Variants in OGG1 observed in about 807,000 individuals in gnomAD.
The protein encoded by OGG1 is N-glycosylase/DNA lyase.
Under a neutral mutation model 42.3 loss-of-function variants are expected in OGG1, and 35 were observed. That is an observed-to-expected ratio of 0.83 (90% CI 0.63 to 1.10). OGG1 has a LOEUF of 1.10. Among genes scored for constraint, OGG1 ranks in the 50% least tolerant of loss-of-function variants. The pLI is 0.00. For synonymous variants in OGG1, 189 were observed against 179.0 expected (o/e 1.06, Z -0.44); for missense variants, 484 against 446.7 (o/e 1.08, Z -0.75).
At chr3:9,761,495 C>G, downstream of OGG1, 2 of 1,613,434 alleles carry the variant, frequency 1.2e-6, no homozygotes, top group Non-Finnish European at 1.7e-6. Context: ...GACCAGCAAT[C>G]CACAGCCTTG....
chr3:9,761,647 TC>T (rs2077879345), downstream of OGG1: 1 of 1,614,082 alleles, frequency 6.2e-7, no homozygotes, highest in Non-Finnish European at 8.5e-7. Flanking sequence ...ATCCCGGAGT[TC>T]CACAGGCGGT....
chr3:9,769,575 G>A (rs904626969), downstream of OGG1, among the ~76,000 whole-genome samples: 2 of 151,930 alleles, frequency 1.3e-5, no homozygotes, highest in Non-Finnish European at 2.9e-5. Context: ...AAATGCCCAC[G>A]CCCTTCCAGT....
Position 9,787,486 on chromosome 3 carries a change from C to T in OGG1, c.383-242C>T. 6 of 1,251,540 alleles carry T rather than the reference C, an allele frequency of 4.8e-6. No homozygotes were observed. In the South Asian group the frequency reaches 6.2e-5, roughly 13 times the overall value. 77.5% of individuals were successfully genotyped at this position (1,251,540 alleles called of 1,614,324 possible). ...GTCAGGTGTAGGTAAGAAAGTACAA[C>T]GAAGATAAAACCTGTACTTCACACT... On this transcript the variant is annotated intron_variant, in intron 3 of 3. Coordinates refer to the OGG1 transcript ENST00000426518.
At chr3:9,757,429 A>G (rs293795), downstream of OGG1, 290,576 of 1,607,078 alleles carry the variant, frequency 0.18, 28,121 homozygotes, top group African/African-American at 0.32. The surrounding 1 kb of genome is among the most constrained non-coding windows in gnomAD (Gnocchi z 4.5). Context: ...GTGGTAGGGA[A>G]GCAGGTGAGG....
intron 3 of OGG1, among the ~76,000 whole-genome samples, chr3:9,753,579 G>A (rs2077406243): frequency 6.6e-6 from 1 of 151,800 alleles, no homozygotes; most frequent in Non-Finnish European, 1.5e-5. Flanking sequence ...GCGTGAACCC[G>A]GGAGGCGAAG....
At chr3:9,757,532 C>A, downstream of OGG1, 1 of 1,611,482 alleles carries the variant, frequency 6.2e-7, no homozygotes, top group Non-Finnish European at 8.5e-7. The surrounding 1 kb of genome is among the most constrained non-coding windows in gnomAD (Gnocchi z 4.5). Context: ...ACCCGAGGTC[C>A]AGGGCCCTAG....
At chr3:9,767,849 C>G, downstream of OGG1, 1 of 1,527,728 alleles carries the variant, frequency 6.5e-7, no homozygotes. Flanking sequence ...TACTGCAGGC[C>G]CCATTCAGTC....
intron 3 of OGG1, among the ~76,000 whole-genome samples, chr3:9,753,795 T>G (rs189824116): frequency 6.6e-6 from 1 of 152,280 alleles, no homozygotes; most frequent in Admixed American, 6.5e-5. Context: ...TAGAAGGGCT[T>G]TGGGAGTGAA....
downstream of OGG1, chr3:9,760,652 A>G (rs377198670): frequency 6.2e-7 from 1 of 1,613,748 alleles, no homozygotes; most frequent in African/African-American, 1.3e-5. Flanking sequence ...AAAGCCCCAA[A>G]TACCAGAGTC....
intron 2 of OGG1, 125 bp from the exon 3 acceptor site, chr3:9,751,644 CG>C (rs2077305448): frequency 1.1e-6 from 1 of 879,308 alleles, no homozygotes; most frequent in Non-Finnish European, 1.9e-6. Context: ...CTTTCTCTAA[CG>C]GTGCTGACTC....
At chr3:9,790,458 C>T (rs142760752), downstream of OGG1, among the ~76,000 whole-genome samples, 1 of 152,182 alleles carries the variant, frequency 6.6e-6, no homozygotes, top group East Asian at 1.9e-4. Flanking sequence ...CTTCACAGCT[C>T]CAACGTGCAC....
At chr3:9,788,825 G>A (rs1317084814), downstream of OGG1, among the ~76,000 whole-genome samples, 1 of 151,004 alleles carries the variant, frequency 6.6e-6, no homozygotes, top group Non-Finnish European at 1.5e-5. Context: ...CAGGCGTGAG[G>A]TGACTTTTAT....
chr3:9,785,146 T>G (rs1367814663), intron 3 of OGG1, among the ~76,000 whole-genome samples: 1 of 152,208 alleles, frequency 6.6e-6, no homozygotes, highest in Non-Finnish European at 1.5e-5. Flanking sequence ...AACCCTGCAC[T>G]CAGTCTGTGC....
chr3:9,762,873 C>T, intron 7 of OGG1: 1 of 1,607,106 alleles, frequency 6.2e-7, no homozygotes, highest in Non-Finnish European at 8.5e-7. Flanking sequence ...AAAGGCCCCA[C>T]CCCTGGGTAC....
downstream of OGG1, chr3:9,789,892 T>C: frequency 6.2e-7 from 1 of 1,614,164 alleles, no homozygotes. Flanking sequence ...TGGGGGGAGC[T>C]CCAAGTTCAT....
intron 2 of OGG1, among the ~76,000 whole-genome samples, chr3:9,778,099 T>C (rs1426727479): frequency 1.3e-5 from 2 of 152,200 alleles, no homozygotes; most frequent in Non-Finnish European, 2.9e-5. Flanking sequence ...GTAAATGGGA[T>C]GTTATTATGG....
intron 4 of OGG1, among the ~76,000 whole-genome samples, chr3:9,755,375 C>T (rs1339067734): frequency 6.6e-6 from 1 of 150,924 alleles, no homozygotes; most frequent in Non-Finnish European, 1.5e-5. Flanking sequence ...CATTTTGTTC[C>T]TTTCGTAAAA....
At chr3:9,760,922 C>T, downstream of OGG1, 2 of 1,099,624 alleles carry the variant, frequency 1.8e-6, no homozygotes. Context: ...CCTGTTCTAG[C>T]TACATTATCC....
At chr3:9,760,740 C>T (rs762008030), downstream of OGG1, 7 of 1,613,926 alleles carry the variant, frequency 4.3e-6, no homozygotes, top group East Asian at 2.2e-5. Context: ...GCATCATTCT[C>T]GTCATAGAAG....
Sources: gnomAD v4.1 joint callset for allele counts (sites outside exome capture counted in the v4.1 genomes callset) on GRCh38, gnomAD v4.1.1 for gene constraint, Gnocchi (gnomAD v3.1) non-coding constraint, MANE v1.5 for transcripts, NCBI Gene and HGNC (gene_info 2026-07-23, HGNC 2026-07-21) for gene names.